The following CNTN4 variants were observed in gnomAD, a reference collection of about 807,000 sequenced individuals.
CNTN4 encodes the protein contactin-4.
In CNTN4, 77 loss-of-function variants were observed where a neutral mutation model predicts 122.5. That is an observed-to-expected ratio of 0.63 (90% CI 0.52 to 0.76). The LOEUF (loss-of-function observed/expected upper bound fraction) is 0.76, where lower values mean the gene tolerates loss of function less well. CNTN4 is among the 30% of genes least tolerant of loss of function. The pLI is 0.00. For synonymous variants in CNTN4, 512 were observed against 447.0 expected, an observed-to-expected ratio of 1.15 and a Z score of -1.83; for missense variants, 1,256 against 1,259.1, an observed-to-expected ratio of 1.00 and a Z score of 0.04.
At chr3:2,750,661 A>G (rs2090045468) in intron 6 of CNTN4, among the ~76,000 whole-genome samples, 1 of 151,970 alleles carries the variant, frequency 6.6e-6, no homozygotes, top group South Asian at 2.1e-4. Context: ...ATCAGCAATC[A>G]CTCCCCTCAC....
intron 3 of CNTN4, among the ~76,000 whole-genome samples, chr3:2,467,046 G>A (rs1352257801): frequency 1.4e-5 from 2 of 141,182 alleles, no homozygotes; most frequent in African/African-American, 2.6e-5. Context: ...CACATATGGA[G>A]TAGATGCCAG....
chr3:2,707,004 A>G (rs2086781296), intron 4 of CNTN4, among the ~76,000 whole-genome samples: 1 of 152,028 alleles, frequency 6.6e-6, no homozygotes, highest in Non-Finnish European at 1.5e-5. Context: ...ATGTAATTAT[A>G]AAATAAAACT....
At chr3:2,321,743 T>C (rs1045630864) in intron 2 of CNTN4, among the ~76,000 whole-genome samples, 14 of 152,122 alleles carry the variant, frequency 9.2e-5, no homozygotes, top group Non-Finnish European at 1.6e-4. Flanking sequence ...GGAAAGTCAT[T>C]TGTGGTCACA....
chr3:2,272,626 C>T (rs1434536953), intron 2 of CNTN4, among the ~76,000 whole-genome samples: 1 of 152,134 alleles, frequency 6.6e-6, no homozygotes, highest in African/African-American at 2.4e-5. Flanking sequence ...ATTCTTTTAA[C>T]TTACTCTCAT....
intron 6 of CNTN4, among the ~76,000 whole-genome samples, chr3:2,811,240 T>C (rs1031088177): frequency 2.0e-5 from 3 of 151,156 alleles, no homozygotes; most frequent in African/African-American, 7.3e-5. Context: ...GAAACCTGTC[T>C]CTACTAAAAA....
chr3:2,338,444 T>C (rs145064900), intron 2 of CNTN4, among the ~76,000 whole-genome samples: 103 of 152,068 alleles, frequency 6.8e-4, no homozygotes, highest in African/African-American at 2.3e-3. Context: ...CTATATTATA[T>C]ATATCTACAT....
intron 4 of CNTN4, chr3:2,735,789 T>G (rs887333412): frequency 9.0e-5 from 32 of 357,100 alleles, no homozygotes; most frequent in Non-Finnish European, 1.6e-4. Flanking sequence ...CGTCCTTGCT[T>G]CTTTCTAATT....
intron 4 of CNTN4, among the ~76,000 whole-genome samples, chr3:2,584,501 C>G (rs1482202607): frequency 6.6e-6 from 1 of 151,768 alleles, no homozygotes; most frequent in Admixed American, 6.6e-5. Flanking sequence ...GCCAGGAGAT[C>G]GAGAACAGCC....
chr3:2,224,642 A>G (rs978852103), intron 2 of CNTN4, among the ~76,000 whole-genome samples: 7 of 152,138 alleles, frequency 4.6e-5, no homozygotes, highest in Admixed American at 3.3e-4. Flanking sequence ...CACACTTGCT[A>G]TGGTTGTTGA....
intron 3 of CNTN4, among the ~76,000 whole-genome samples, chr3:2,443,556 G>T (rs888232674): frequency 1.3e-5 from 2 of 152,142 alleles, no homozygotes; most frequent in Non-Finnish European, 2.9e-5. Context: ...CCATAGCAAA[G>T]AATACAAATC....
intron 2 of CNTN4, among the ~76,000 whole-genome samples, chr3:2,260,885 G>A (rs1340564417): frequency 1.3e-5 from 2 of 151,470 alleles, no homozygotes; most frequent in African/African-American, 4.8e-5. Flanking sequence ...CCACCGCCAC[G>A]CTTGGCTAAA....
chr3:2,669,631 C>G (rs1451185961), intron 4 of CNTN4, among the ~76,000 whole-genome samples: 3 of 152,122 alleles, frequency 2.0e-5, no homozygotes, highest in Non-Finnish European at 4.4e-5. Flanking sequence ...TTGCCTTCTG[C>G]TAGGTTTTGA....
intron 2 of CNTN4, among the ~76,000 whole-genome samples, chr3:2,244,156 C>T (rs910024357): frequency 4.6e-5 from 7 of 151,834 alleles, no homozygotes; most frequent in African/African-American, 1.7e-4. Flanking sequence ...AAATTAGGCA[C>T]AGTAAGAAAT....
intron 2 of CNTN4, among the ~76,000 whole-genome samples, chr3:2,317,429 C>G (rs1332598976): frequency 6.6e-6 from 1 of 152,198 alleles, no homozygotes; most frequent in Admixed American, 6.5e-5. Flanking sequence ...TACTTTTCAA[C>G]TCCTGATCTT....
chr3:2,883,173 A>G lies in CNTN4; in HGVS notation c.681A>G (p.Ile227Met). 6.2e-7 allele frequency: 1 copy of G among 1,613,868 alleles called. No homozygotes were observed. Among genetic ancestry groups the G allele is most frequent in the East Asian group, 2.2e-5 (1 of 44,858 alleles). Residue 227 changes from isoleucine to methionine, a missense_variant, in exon 9 of 25, where the codon ATA becomes ATG. Transcript: ENST00000418658. ...DGVMGEYEPK[I>M]EVQFPETVPT... ...TGATGGGTGAATATGAGCCCAAAATAGAAGTGCAGTTCCCAGAAACAGTTC... is the reference window on the plus strand; with the variant it reads ...TGATGGGTGAATATGAGCCCAAAATGGAAGTGCAGTTCCCAGAAACAGTTC...
intron 4 of CNTN4, among the ~76,000 whole-genome samples, chr3:2,574,896 A>G (rs2079590887): frequency 6.6e-6 from 1 of 152,096 alleles, no homozygotes; most frequent in Non-Finnish European, 1.5e-5. Context: ...AATGTTAATG[A>G]ATAAAATTTA....
intron 12 of CNTN4, among the ~76,000 whole-genome samples, chr3:2,915,058 A>G (rs1306896055): frequency 2.7e-5 from 4 of 145,556 alleles, no homozygotes; most frequent in African/African-American, 1.0e-4. Context: ...GCTTTTGACA[A>G]AATTCAATAC....
At position 2,549,707 on chromosome 3, in the gene CNTN4, G is replaced by T. The variant is rs926218756; in HGVS notation, c.-88-21709G>T. 2.0e-5 allele frequency among the ~76,000 whole-genome samples: 3 copies of T among 152,124 alleles called. No homozygotes were observed. The South Asian group carries it at 6.2e-4, about 32-fold the overall frequency. On this transcript the variant is annotated intron_variant, in intron 3 of 24. Coordinates refer to ENST00000418658, the MANE Select transcript of CNTN4 (RefSeq NM_175607.3). ...AGGTTTTGGTATCAGGATGATGCAGGCCTCATAAAATGAGTTAGGGAGGAG... is the reference window on the plus strand; with the variant it reads ...AGGTTTTGGTATCAGGATGATGCAGTCCTCATAAAATGAGTTAGGGAGGAG...
At chr3:2,849,527 C>T (rs1243338515) in intron 7 of CNTN4, among the ~76,000 whole-genome samples, 1 of 152,110 alleles carries the variant, frequency 6.6e-6, no homozygotes, top group African/African-American at 2.4e-5. Flanking sequence ...TTAAGCTTGC[C>T]TTAGTGAGTC....
Sources: allele counts gnomAD v4.1 joint callset (sites outside exome capture counted in the v4.1 genomes callset), GRCh38; gene constraint gnomAD v4.1.1; transcripts MANE v1.5; gene names NCBI Gene and HGNC (gene_info 2026-07-23, HGNC 2026-07-21).